Variants in SHROOM2 observed in about 807,000 individuals in gnomAD.
The protein encoded by SHROOM2 is protein Shroom2.
Under a neutral mutation model 75.9 loss-of-function variants are expected in SHROOM2, and 33 were observed. The observed-to-expected ratio is 0.43, with a 90% CI of 0.33 to 0.58. SHROOM2 has a LOEUF of 0.58. SHROOM2 is among the 20% of genes least tolerant of loss of function. The pLI is 0.04. For missense variants in SHROOM2, 1,434 were observed against 1,461.2 expected, an observed-to-expected ratio of 0.98 and a Z score of 0.30; for synonymous variants, 655 against 663.6, an observed-to-expected ratio of 0.99 and a Z score of 0.20.
chrX:9,937,663 T>A lies in SHROOM2; in HGVS notation c.4117T>A (p.Ser1373Thr). ...GAGGAAGCTGCTCCCCAAAATCCCCTCTCCTAGAAGCACAGAGGAGAGGTG... is the reference window on the plus strand; with the variant it reads ...GAGGAAGCTGCTCCCCAAAATCCCCACTCCTAGAAGCACAGAGGAGAGGTG... ...QRRKLLPKIP[S>T]PRSTEERKEE... Residue 1373 changes from serine (S) to threonine (T), a missense_variant, in exon 7 of 10, where the codon TCT (serine) becomes ACT (threonine). Coordinates refer to ENST00000380913, the MANE Select transcript of SHROOM2 (RefSeq NM_001649.4). The A allele has an allele frequency of 8.4e-7, 1 of 1,195,918 alleles. No homozygotes were observed.
chrX:9,937,852 C>G (rs1163374222), intron 7 of SHROOM2, among the ~76,000 whole-genome samples, 167 bp downstream of exon 7: 1 of 112,112 alleles, frequency 8.9e-6, no homozygotes, highest in African/African-American at 3.2e-5. Flanking sequence ...TGTGAGCCTC[C>G]GGAAAGAGAA....
At chrX:9,857,391 T>A (rs1282796879) in intron 1 of SHROOM2, among the ~76,000 whole-genome samples, 1 of 109,818 alleles carries the variant, frequency 9.1e-6, no homozygotes, top group Non-Finnish European at 1.9e-5. Flanking sequence ...AAGAATTTTT[T>A]TTTTTTTCAG....
At chrX:9,921,207 C>T (rs1244500348) in intron 5 of SHROOM2, among the ~76,000 whole-genome samples, 1 of 111,724 alleles carries the variant, frequency 9.0e-6, no homozygotes, top group African/African-American at 3.3e-5. Context: ...GAGTTATCCT[C>T]GGGAGAGAGG....
intron 9 of SHROOM2, among the ~76,000 whole-genome samples, chrX:9,946,151 C>T (rs1364827746): frequency 8.8e-6 from 1 of 113,132 alleles, no homozygotes; most frequent in Non-Finnish European, 1.9e-5. Flanking sequence ...TCTCCACCCT[C>T]AGGCTTCCTT....
At chrX:9,906,786 C>CA (rs1436985677) in intron 5 of SHROOM2, among the ~76,000 whole-genome samples, 1 of 111,461 alleles carries the variant, frequency 9.0e-6, no homozygotes, top group South Asian at 3.7e-4. Flanking sequence ...GAAACTGTCT[C>CA]AAAAAAAATT....
intron 5 of SHROOM2, among the ~76,000 whole-genome samples, chrX:9,930,536 A>G (rs1338732868): frequency 9.1e-6 from 1 of 110,164 alleles, no homozygotes; most frequent in Non-Finnish European, 1.9e-5. Flanking sequence ...AAAGAAAGAA[A>G]GAAAGAAAGA....
intron 1 of SHROOM2, among the ~76,000 whole-genome samples, chrX:9,827,709 A>G (rs760385187): frequency 2.7e-5 from 3 of 109,651 alleles, no homozygotes; most frequent in South Asian, 8.0e-4. Context: ...CAGGGAGACC[A>G]ATAGACCCAA....
chrX:9,872,895 C>A (rs1026478179), intron 1 of SHROOM2, among the ~76,000 whole-genome samples: 1 of 112,224 alleles, frequency 8.9e-6, no homozygotes, highest in African/African-American at 3.2e-5. Context: ...AAAGTAGACA[C>A]TGATGAATAG....
chrX:9,932,106 G>A, intron 5 of SHROOM2, 69 bp from the exon 6 acceptor site: 2 of 991,497 alleles, frequency 2.0e-6, no homozygotes, highest in Admixed American at 6.8e-5. Context: ...TGAAGATCCA[G>A]GTCCAGTCCC....
At chrX:9,902,315 G>A (rs2084369575) in intron 5 of SHROOM2, among the ~76,000 whole-genome samples, 2 of 109,741 alleles carry the variant, frequency 1.8e-5, no homozygotes, top group Admixed American at 1.9e-4. Context: ...GGGAGGGCAA[G>A]TGGATGGATG....
intron 1 of SHROOM2, among the ~76,000 whole-genome samples, chrX:9,833,129 C>G (rs1394173988): frequency 9.0e-6 from 1 of 111,490 alleles, no homozygotes; most frequent in East Asian, 2.8e-4. Flanking sequence ...AAATGACAGA[C>G]GGAACAAAAC....
intron 5 of SHROOM2, among the ~76,000 whole-genome samples, chrX:9,909,506 A>C: frequency 8.9e-6 from 1 of 112,519 alleles, no homozygotes; most frequent in South Asian, 3.7e-4. Flanking sequence ...GAGGAGAGGA[A>C]CATCACAGTG....
chrX:9,865,057 C>G (rs1221494507), intron 1 of SHROOM2: 1 of 111,225 alleles, frequency 9.0e-6, no homozygotes, highest in Non-Finnish European at 1.9e-5. Context: ...TTAAGCTGCT[C>G]AAGACATATT....
chrX:9,901,410 C>T lies in SHROOM2; in HGVS notation c.2891+3120C>T, dbSNP rs186988801. Reference sequence around the variant, plus strand: ...TCTACCTTTATAGTAACCACTTCTACCTGCTGTCAGCTCTCTCAGGAAGTG... The same window carrying T: ...TCTACCTTTATAGTAACCACTTCTATCTGCTGTCAGCTCTCTCAGGAAGTG... On this transcript the variant is annotated intron_variant, in intron 5 of 9. Transcript: ENST00000380913. Among the ~76,000 whole-genome samples, 334 of 112,092 alleles carry T rather than the reference C, an allele frequency of 3.0e-3. 1 individual carries two copies. The highest frequency in any genetic ancestry group is 0.01 in the African/African-American group (319 of 30,868).
intron 2 of SHROOM2, among the ~76,000 whole-genome samples, chrX:9,887,736 A>G (rs1321175796): frequency 3.5e-5 from 4 of 112,785 alleles, no homozygotes; most frequent in Non-Finnish European, 7.5e-5. Context: ...TTATCTGCAC[A>G]TGATAGAAGG....
rs1409928801 is a variant in SHROOM2, at chrX:9,786,650, C to T, written c.105C>T (p.Ala35=). Residue 35 remains alanine (A), a synonymous_variant, in exon 1 of 10, where the codon GCC becomes GCT. Coordinates refer to ENST00000380913, the MANE Select transcript of SHROOM2 (RefSeq NM_001649.4). ...TGGAGGTGCAGCTGAGCGGCGGCGC[C>T]CCGTGGGGCTTCACCCTGAAGGGCG... The part of the protein sequence containing the change: ...RLVEVQLSGG[A]PWGFTLKGGR... 7 of 886,226 alleles carry T rather than the reference C, an allele frequency of 7.9e-6. No individual in the cohort carries two copies. Among genetic ancestry groups the T allele is most frequent in the African/African-American group, 2.1e-5 (1 of 47,021 alleles). 73.0% of individuals were successfully genotyped at this position (886,226 alleles called of 1,213,427 possible).
chrX:9,910,370 G>C (rs745640417), intron 5 of SHROOM2, among the ~76,000 whole-genome samples: 1 of 111,448 alleles, frequency 9.0e-6, no homozygotes, highest in African/African-American at 3.3e-5. Context: ...GGGAGCTCTC[G>C]CCTGGCTGTT....
chrX:9,792,102 A>G (rs868600834), intron 1 of SHROOM2, among the ~76,000 whole-genome samples: 3 of 17,148 alleles, frequency 1.7e-4, no homozygotes, highest in African/African-American at 3.1e-4. Flanking sequence ...AATAGAATAG[A>G]ATAGAATAGA....
chrX:9,807,803 C>G (rs756430433), intron 1 of SHROOM2, among the ~76,000 whole-genome samples: 9 of 112,289 alleles, frequency 8.0e-5, no homozygotes, highest in Non-Finnish European at 1.7e-4. Flanking sequence ...GAGAGCAGCC[C>G]TTCTGAGTGT....
Sources: allele counts gnomAD v4.1 joint callset (sites outside exome capture counted in the v4.1 genomes callset), GRCh38; gene constraint gnomAD v4.1.1; transcripts MANE v1.5; gene names NCBI Gene and HGNC (gene_info 2026-07-23, HGNC 2026-07-21).